The following DNAH9 variants were observed in gnomAD, a reference collection of about 807,000 sequenced individuals.
DNAH9 encodes dynein axonemal heavy chain 9.
A neutral mutation model predicts 471.6 loss-of-function variants in DNAH9; 345 were observed. The observed-to-expected ratio is 0.73, with a 90% CI of 0.67 to 0.80. The LOEUF (loss-of-function observed/expected upper bound fraction) is 0.80, where lower values mean the gene tolerates loss of function less well. Among genes scored for constraint, DNAH9 ranks in the 30% least tolerant of loss-of-function variants. The probability of loss-of-function intolerance (pLI) is 0.00; values close to 1 mark genes in which losing one functional copy is unlikely to be tolerated. For missense variants in DNAH9, 5,407 were observed against 5,609.2 expected (o/e 0.96, Z 1.15); for synonymous variants, 2,093 against 2,123.6 (o/e 0.99, Z 0.40).
chr17:11,819,806 C>T (rs973882758), intron 45 of DNAH9, among the ~76,000 whole-genome samples: 7 of 152,162 alleles, frequency 4.6e-5, no homozygotes, highest in African/African-American at 1.7e-4. Flanking sequence ...GAAATTGACA[C>T]AATTTGGACA....
chr17:11,719,369 C>G lies in DNAH9; in HGVS notation c.5588C>G (p.Thr1863Ser). 1 of 1,614,090 alleles carries G rather than the reference C, an allele frequency of 6.2e-7. No homozygotes were observed. Among genetic ancestry groups the G allele is most frequent in the Non-Finnish European group, 8.5e-7 (1 of 1,179,988 alleles). ...ACCCTCACCCAGTCCCTGCACCTGACCATGAGTGGGGCTCCCGCAGGACCT... is the reference window on the plus strand; with the variant it reads ...ACCCTCACCCAGTCCCTGCACCTGAGCATGAGTGGGGCTCCCGCAGGACCT... ...YITLTQSLHL[T>S]MSGAPAGPAG... The change falls in exon 27 of 69, where the codon ACC becomes AGC. Residue 1863 changes from threonine (T) to serine (S), a missense_variant. By Grantham distance (58) the Thr-to-Ser change is moderately conservative (BLOSUM62 1). Coordinates refer to ENST00000262442, the MANE Select transcript of DNAH9 (RefSeq NM_001372.4).
chr17:11,879,835 A>G (rs1162115320), intron 53 of DNAH9, among the ~76,000 whole-genome samples: 1 of 152,234 alleles, frequency 6.6e-6, no homozygotes, highest in Non-Finnish European at 1.5e-5. Flanking sequence ...AAAACGTTGA[A>G]GACACATTAT....
intron 67 of DNAH9, among the ~76,000 whole-genome samples, chr17:11,951,748 C>T (rs551566945): frequency 6.6e-6 from 1 of 152,022 alleles, no homozygotes; most frequent in South Asian, 2.1e-4. Flanking sequence ...GATGGTGAAA[C>T]CCCGTCTCTA....
intron 12 of DNAH9, among the ~76,000 whole-genome samples, chr17:11,648,945 G>T (rs2073446037): frequency 6.6e-6 from 1 of 152,066 alleles, no homozygotes; most frequent in South Asian, 2.1e-4. Context: ...GACTGACATG[G>T]AGAAACCCCA....
At chr17:11,870,612 G>A (rs559547348) in intron 51 of DNAH9, among the ~76,000 whole-genome samples, 1 of 152,324 alleles carries the variant, frequency 6.6e-6, no homozygotes, top group East Asian at 1.9e-4. Flanking sequence ...TAGCTGAACA[G>A]TTCAGTTTAG....
chr17:11,896,441 T>C (rs1309355551), intron 59 of DNAH9, among the ~76,000 whole-genome samples: 5 of 152,244 alleles, frequency 3.3e-5, no homozygotes, highest in African/African-American at 9.6e-5. Context: ...TGGGCCAGAT[T>C]GGGCCTGCAA....
At chr17:11,742,410 C>T in intron 30 of DNAH9, 97 bp downstream of exon 30, 1 of 1,266,106 alleles carries the variant, frequency 7.9e-7, no homozygotes, top group Non-Finnish European at 1.1e-6. Context: ...CATACTCAAG[C>T]TTTCTCATAG....
rs2073173788 is a variant in DNAH9 at position 11,636,713 on chromosome 17, A to C, written c.1715A>C (p.Gln572Pro). Residue 572 changes from glutamine (Q) to proline (P), a missense_variant, in exon 9 of 69, where the codon CAA becomes CCA. By Grantham distance (76) the Gln-to-Pro change is moderately conservative (BLOSUM62 -1). Transcript: ENST00000262442. ...DTSDKYLVLIQMFNKDLDAVR... is the reference protein window; with the variant it reads ...DTSDKYLVLIPMFNKDLDAVR... Reference sequence around the variant, plus strand: ...TCTGATAAATACCTGGTCCTCATCCAAATGTTCAACAAAGATCTGGATGCA... The same window carrying C: ...TCTGATAAATACCTGGTCCTCATCCCAATGTTCAACAAAGATCTGGATGCA... The C allele has an allele frequency of 6.2e-7, 1 of 1,613,948 alleles. No homozygotes were observed. The highest frequency in any genetic ancestry group is 1.3e-5 in the African/African-American group (1 of 74,924).
chr17:11,867,617 A>G (rs996635768), intron 50 of DNAH9, among the ~76,000 whole-genome samples: 1 of 152,130 alleles, frequency 6.6e-6, no homozygotes. Flanking sequence ...TCTTCTTCCT[A>G]GGTCATTTTT....
chr17:11,713,974 T>C (rs2074916677), intron 26 of DNAH9, among the ~76,000 whole-genome samples: 1 of 152,162 alleles, frequency 6.6e-6, no homozygotes, highest in South Asian at 2.1e-4. Context: ...GAGAAAGACA[T>C]TTACCAATTA....
chr17:11,902,219 C>A (rs1172270851), intron 59 of DNAH9, among the ~76,000 whole-genome samples: 1 of 152,170 alleles, frequency 6.6e-6, no homozygotes, highest in African/African-American at 2.4e-5. Flanking sequence ...CCAAGTTATA[C>A]ATTTGGACTG....
At chr17:11,946,555 T>C (rs1427357683) in intron 67 of DNAH9, among the ~76,000 whole-genome samples, 1 of 148,872 alleles carries the variant, frequency 6.7e-6, no homozygotes, top group East Asian at 2.0e-4. Flanking sequence ...TCCCAGCCAC[T>C]CGGGAGGCTG....
At chr17:11,956,014 C>T (rs1975621017) in intron 67 of DNAH9, among the ~76,000 whole-genome samples, 1 of 152,218 alleles carries the variant, frequency 6.6e-6, no homozygotes, top group Non-Finnish European at 1.5e-5. Flanking sequence ...CAGCCACAGG[C>T]CAACCTTGCT....
In DNAH9 at chr17:11,857,840, C is replaced by T. The variant is rs1010174246; in HGVS notation, c.9933+3412C>T. Among the ~76,000 whole-genome samples the T allele has an allele frequency of 5.9e-5, 9 of 152,160 alleles. No individual in the cohort carries two copies. In the East Asian group the frequency reaches 1.5e-3, roughly 26 times the overall value. Reference sequence around the variant, plus strand: ...TGGCACCTGCCCCCCGCAACTCCCTCTTGCTCCTGCTCTGGCCATATGATG... The same window carrying T: ...TGGCACCTGCCCCCCGCAACTCCCTTTTGCTCCTGCTCTGGCCATATGATG... On this transcript the variant is annotated intron_variant, in intron 50 of 68. Coordinates refer to ENST00000262442, the MANE Select transcript of DNAH9 (RefSeq NM_001372.4).
chr17:11,951,197 G>A (rs1048324881), intron 67 of DNAH9, among the ~76,000 whole-genome samples: 31 of 152,212 alleles, frequency 2.0e-4, no homozygotes, highest in African/African-American at 7.0e-4. Context: ...CATTGAAAAC[G>A]TCTTAAAATT....
rs543842559 is a variant in DNAH9 at position 11,800,179 on chromosome 17, G to A, written c.8420+2386G>A. Among the ~76,000 whole-genome samples the A allele has an allele frequency of 9.0e-4, 137 of 152,064 alleles. 1 individual carries two copies. Among genetic ancestry groups the A allele is most frequent in the Non-Finnish European group, 1.6e-3 (110 of 68,006 alleles). ...GAAAGTGACAAGAAGAGAATCTCGCGTCTTCCCGTCATCAAATCTAACAGC... is the reference window on the plus strand; with the variant it reads ...GAAAGTGACAAGAAGAGAATCTCGCATCTTCCCGTCATCAAATCTAACAGC... On this transcript the variant is annotated intron_variant, in intron 43 of 68. Coordinates refer to ENST00000262442, the MANE Select transcript of DNAH9 (RefSeq NM_001372.4).
chr17:11,752,844 T>TC lies in DNAH9; in HGVS notation c.6624dup (p.Ile2209HisfsTer11), dbSNP rs1402441182. 2 of 1,592,404 alleles carry TC rather than the reference T, an allele frequency of 1.3e-6. No homozygotes were observed. Among genetic ancestry groups the TC allele is most frequent in the Non-Finnish European group, 1.7e-6 (2 of 1,171,990 alleles). Reference sequence around the variant, plus strand: ...GTGGTTCCTTTTAGGATTGTTCTCTTCCATCATGCGGGAGCTTGCCAACAT... The same window carrying TC: ...GTGGTTCCTTTTAGGATTGTTCTCTTCCCATCATGCGGGAGCTTGCCAACAT... On this transcript the variant is annotated frameshift_variant, in exon 33 of 69. Coordinates refer to ENST00000262442, the MANE Select transcript of DNAH9 (RefSeq NM_001372.4). LOFTEE classifies it high-confidence loss of function.
chr17:11,834,499 C>A (rs556197149), intron 48 of DNAH9, 139 bp from the exon 49 acceptor site: 10 of 1,026,638 alleles, frequency 9.7e-6, no homozygotes, highest in Non-Finnish European at 1.4e-5. Flanking sequence ...CAGCTTTGTA[C>A]CTTTGTATCA....
At position 11,632,487 on chromosome 17, in the gene DNAH9, G is replaced by C. The variant is rs1004415501; in HGVS notation, c.1519-100G>C. The stretch of plus-strand genomic sequence containing the variant: ...TTTCAGAAAATTAAAATAATTCTTT[G>C]GTATAACCAGTTCAAACACAAAAGT... On this transcript the variant is annotated intron_variant, in intron 7 of 68. Transcript: ENST00000262442. The C allele has an allele frequency of 1.0e-5, 7 of 671,854 alleles. No individual in the cohort carries two copies. In the African/African-American group the frequency reaches 1.1e-4, roughly 10 times the overall value. The allele number at this position is 671,854 out of a possible 1,614,324, so 41.6% of individuals were successfully genotyped here.
Sources: gnomAD v4.1 joint callset for allele counts (sites outside exome capture counted in the v4.1 genomes callset) on GRCh38, gnomAD v4.1.1 for gene constraint, MANE v1.5 for transcripts, NCBI Gene and HGNC (gene_info 2026-07-23, HGNC 2026-07-21) for gene names.